Variants in LINGO2 observed in about 807,000 individuals in gnomAD.
LINGO2 encodes leucine rich repeat and Ig domain containing 2.
A neutral mutation model predicts 30.6 loss-of-function variants in LINGO2; 14 were observed. That is an observed-to-expected ratio of 0.46 (90% confidence interval 0.30 to 0.72). The LOEUF (loss-of-function observed/expected upper bound fraction) is 0.72. Ranked by LOEUF, LINGO2 falls within the 30% of genes least tolerant of loss-of-function variation. The probability of loss-of-function intolerance (pLI) is 0.07; values close to 1 mark genes in which losing one functional copy is unlikely to be tolerated. For synonymous variants in LINGO2, 317 were observed against 288.5 expected (o/e 1.10, Z -1.00); for missense variants, 729 against 751.7 (o/e 0.97, Z 0.35).
chr9:27,957,248 C>G (rs192961311), intron 5 of LINGO2, among the ~76,000 whole-genome samples: 2 of 152,270 alleles, frequency 1.3e-5, no homozygotes, highest in Admixed American at 1.3e-4. Flanking sequence ...GTATGTACAG[C>G]TGTACTATAT....
chr9:29,197,383 G>A, the LINGO2 span, among the ~76,000 whole-genome samples: 2 of 151,966 alleles, frequency 1.3e-5, no homozygotes, highest in Admixed American at 6.6e-5. Context: ...AAAGTATTCT[G>A]TATGATAATT....
At chr9:28,489,712 C>G (rs1324252500) in intron 1 of LINGO2, among the ~76,000 whole-genome samples, 3 of 151,602 alleles carry the variant, frequency 2.0e-5, no homozygotes, top group Non-Finnish European at 4.4e-5. Flanking sequence ...TCCTGGCCAA[C>G]ATGGGACACT....
chr9:28,877,023 G>C, the LINGO2 span, among the ~76,000 whole-genome samples: 1 of 151,564 alleles, frequency 6.6e-6, no homozygotes, highest in African/African-American at 2.4e-5. Flanking sequence ...ATTTTTTCAT[G>C]TGTTTTTTGG....
chr9:28,557,872 C>T (rs1206766811), intron 1 of LINGO2, among the ~76,000 whole-genome samples: 1 of 151,554 alleles, frequency 6.6e-6, no homozygotes, highest in Non-Finnish European at 1.5e-5. Context: ...TGGAAACCAT[C>T]ATTCTCAGCA....
At chr9:28,046,309 T>C (rs1330275767) in intron 4 of LINGO2, among the ~76,000 whole-genome samples, 2 of 152,170 alleles carry the variant, frequency 1.3e-5, no homozygotes, top group Admixed American at 6.5e-5. Context: ...AGGTTAGAAG[T>C]TCTCCAGTCT....
chr9:28,752,117 A>G, the LINGO2 span, among the ~76,000 whole-genome samples: 1 of 152,042 alleles, frequency 6.6e-6, no homozygotes, highest in African/African-American at 2.4e-5. Flanking sequence ...TAAGACATGT[A>G]TTGTTCAATA....
intron 2 of LINGO2, among the ~76,000 whole-genome samples, chr9:28,404,345 G>GAA (rs11375758): frequency 2.0e-5 from 3 of 151,226 alleles, no homozygotes; most frequent in South Asian, 4.2e-4. Flanking sequence ...GAGGTTTAAA[G>GAA]AAAAAAAATC....
At chr9:29,000,866 T>C in the LINGO2 span, among the ~76,000 whole-genome samples, 2 of 152,018 alleles carry the variant, frequency 1.3e-5, no homozygotes, top group Middle Eastern at 3.2e-3. Flanking sequence ...CCGTGTTCCA[T>C]GATTCTTGGG....
chr9:28,791,880 C>T, the LINGO2 span, among the ~76,000 whole-genome samples: 1 of 151,376 alleles, frequency 6.6e-6, no homozygotes, highest in Non-Finnish European at 1.5e-5. Context: ...TTGTAATTAT[C>T]TGAATGAGTG....
chr9:28,201,401 C>T (rs1405523055), intron 4 of LINGO2, among the ~76,000 whole-genome samples: 1 of 142,618 alleles, frequency 7.0e-6, no homozygotes, highest in Non-Finnish European at 1.5e-5. Context: ...CTACAAAGGA[C>T]ATGAACTCAT....
the LINGO2 span, among the ~76,000 whole-genome samples, chr9:28,848,401 A>G: frequency 0.18 from 8,202 of 44,828 alleles, 376 homozygotes; most frequent in East Asian, 0.4. Flanking sequence ...GTGTGTGTAT[A>G]TATATATATA....
At chr9:29,212,177 G>C in the LINGO2 span, among the ~76,000 whole-genome samples, 1 of 152,086 alleles carries the variant, frequency 6.6e-6, no homozygotes, top group Non-Finnish European at 1.5e-5. Flanking sequence ...GCTCAGCCGG[G>C]TTCGGACCTG....
the LINGO2 span, among the ~76,000 whole-genome samples, chr9:29,008,728 T>G: frequency 2.0e-5 from 3 of 152,164 alleles, no homozygotes; most frequent in Non-Finnish European, 4.4e-5. Context: ...ATGTCTTCTT[T>G]TGAGAAGTGT....
At chr9:29,185,647 T>C in the LINGO2 span, among the ~76,000 whole-genome samples, 7 of 152,178 alleles carry the variant, frequency 4.6e-5, no homozygotes, top group South Asian at 2.1e-4. Flanking sequence ...ATTTAGACAA[T>C]GGAATTTAGA....
chr9:28,439,904 G>C (rs559746406), intron 2 of LINGO2, among the ~76,000 whole-genome samples: 9 of 152,280 alleles, frequency 5.9e-5, no homozygotes, highest in African/African-American at 2.2e-4. Context: ...CCATGGGGTT[G>C]AGCAATGTTC....
chr9:28,748,361 ATATT>A, the LINGO2 span, among the ~76,000 whole-genome samples: 1 of 145,854 alleles, frequency 6.9e-6, no homozygotes, highest in African/African-American at 2.6e-5. Context: ...TAATCCCTAG[ATATT>A]TATTTTACTA....
At chr9:28,940,380 C>T in the LINGO2 span, among the ~76,000 whole-genome samples, 43 of 152,244 alleles carry the variant, frequency 2.8e-4, no homozygotes, top group African/African-American at 9.9e-4. Context: ...TCCTAGAAGA[C>T]ACATATTGAA....
the LINGO2 span, among the ~76,000 whole-genome samples, chr9:28,719,024 G>A: frequency 6.6e-6 from 1 of 151,866 alleles, no homozygotes; most frequent in African/African-American, 2.4e-5. Flanking sequence ...TAGCAAACCT[G>A]CCTTCTTCAC....
chr9:28,371,013 C>A (rs1160988424), intron 3 of LINGO2, among the ~76,000 whole-genome samples: 3 of 152,172 alleles, frequency 2.0e-5, no homozygotes, highest in African/African-American at 7.2e-5. Context: ...ACATAGAGTG[C>A]ACGTAAATGG....
Sources: gnomAD v4.1 joint callset for allele counts (sites outside exome capture counted in the v4.1 genomes callset) on GRCh38, gnomAD v4.1.1 for gene constraint, MANE v1.5 for transcripts, NCBI Gene and HGNC (gene_info 2026-07-23, HGNC 2026-07-21) for gene names.